The following DCPS variants were observed in gnomAD, a reference collection of about 807,000 sequenced individuals.
DCPS encodes m7GpppX diphosphatase.
A neutral mutation model predicts 34.7 loss-of-function variants in DCPS; 27 were observed. The observed-to-expected ratio is 0.78, with a 90% CI of 0.57 to 1.07. DCPS has a LOEUF of 1.07. Ranked by LOEUF, DCPS falls within the 50% of genes least tolerant of loss-of-function variation. The pLI is 0.00. For synonymous variants in DCPS, 185 were observed against 185.7 expected (o/e 1.00, Z 0.03); for missense variants, 464 against 436.9 (o/e 1.06, Z -0.55).
rs137941190 is a variant in DCPS, at chr11:126,345,546, C to T, written c.947C>T (p.Thr316Met). 889 of 1,613,974 alleles carry T rather than the reference C, an allele frequency of 5.5e-4. 7 individuals are homozygous for T. The South Asian group carries it at 8.7e-3, about 16-fold the overall frequency. ...GACCCTAGGCACTACCAGCAGCGCA[C>T]GCTCACCTTCGCCCTCAGGGCTGAC... ...ECDPRHYQQRTLTFALRADDP... is the reference protein window; with the variant it reads ...ECDPRHYQQRMLTFALRADDP... Residue 316 changes from threonine to methionine, a missense_variant, in exon 6 of 6, where the codon ACG (threonine) becomes ATG (methionine). Coordinates refer to ENST00000263579, the MANE Select transcript of DCPS (RefSeq NM_014026.6). This position sits in a 1 kb window ranked among gnomAD's most constrained non-coding sequence, Gnocchi z 7.4.
In DCPS at chr11:126,306,581, C is replaced by T. The variant is rs1328308318; in HGVS notation, c.213C>T (p.Ala71=). The change falls in exon 2 of 6, where the codon GCC becomes GCT. Residue 71 remains alanine, a synonymous_variant. Coordinates refer to ENST00000263579, the MANE Select transcript of DCPS (RefSeq NM_014026.6). ...GCCTCTGCCCACAGGTGAATGAGGC[C>T]TCTGGGGATGGGGATGGAGAGGATG... ...IIFLHGKVNE[A]SGDGDGEDAV... is the part of the protein sequence containing the mutation. 6.3e-7 allele frequency: 1 copy of T among 1,598,094 alleles called. No individual in the cohort carries two copies. The highest frequency in any genetic ancestry group is 1.3e-5 in the African/African-American group (1 of 74,708).
rs555553015 is a variant in DCPS, at chr11:126,332,169, A to G, written c.522+619A>G. ...CAGAGGAAAAACTCTTCCCTCACCG[A>G]CTCCCCCTTGCATTCGTCCAAAAGA... On this transcript the variant is annotated intron_variant, in intron 3 of 5. Coordinates refer to ENST00000263579, the MANE Select transcript of DCPS (RefSeq NM_014026.6). This position sits in a 1 kb window ranked among gnomAD's most constrained non-coding sequence, Gnocchi z 5.4. Among the ~76,000 whole-genome samples the G allele has an allele frequency of 1.3e-5, 2 of 151,362 alleles. No homozygotes were observed. Among genetic ancestry groups the G allele is most frequent in the Non-Finnish European group, 2.9e-5 (2 of 67,876 alleles).
rs35132700 is a variant in DCPS at position 126,313,138 on chromosome 11, T to TTCC, written c.376+6395_376+6397dup. ...GGCTGCCTCTTCAAAGGCCAATTGT[T>TTCC]TCCCCGTGTAAACCAGGAGGTGAAA... On this transcript the variant is annotated intron_variant, in intron 2 of 5. Coordinates refer to ENST00000263579, the MANE Select transcript of DCPS (RefSeq NM_014026.6). The surrounding 1 kb of genome is among the most constrained non-coding windows in gnomAD (Gnocchi z 4.9). 0.2 allele frequency among the ~76,000 whole-genome samples: 30,124 copies of TTCC among 152,040 alleles called. 3,956 individuals carry two copies. The highest frequency in any genetic ancestry group is 0.64 in the East Asian group (3,282 of 5,114).
In DCPS at chr11:126,338,164, C is replaced by G; in HGVS notation, c.523-122C>G. 1 of 822,838 alleles carries G rather than the reference C, an allele frequency of 1.2e-6. No individual in the cohort carries two copies. Among genetic ancestry groups the G allele is most frequent in the Non-Finnish European group, 2.0e-6 (1 of 497,028 alleles). 51.0% of individuals were successfully genotyped at this position (822,838 alleles called of 1,614,324 possible). On this transcript the variant is annotated intron_variant, in intron 3 of 5. Transcript: ENST00000263579. This position sits in a 1 kb window ranked among gnomAD's most constrained non-coding sequence, Gnocchi z 5.4. ...CCGGATGTAGATCCTCTGAGCGTGG[C>G]GGCCTTTTATGGCTTGGTTCTGTCT...
chr11:126,306,451 C>A, intron 1 of DCPS, 119 bp from the exon 2 acceptor site: 1 of 1,159,748 alleles, frequency 8.6e-7, no homozygotes, highest in South Asian at 1.9e-5. Context: ...AGAGGGAAGA[C>A]TTCAGGGAAG....
Position 126,313,938 on chromosome 11 carries a change from C to T in DCPS, c.376+7194C>T, listed in dbSNP as rs1268407866. 2.0e-4 allele frequency among the ~76,000 whole-genome samples: 31 copies of T among 152,182 alleles called. No individual in the cohort carries two copies. The highest frequency in any genetic ancestry group is 3.9e-4 in the African/African-American group (16 of 41,446). On this transcript the variant is annotated intron_variant, in intron 2 of 5. Transcript: ENST00000263579. The surrounding 1 kb of genome is among the most constrained non-coding windows in gnomAD (Gnocchi z 4.9). ...AGGTCCTTAGATGGACTAGAAAGAT[C>T]GTCCCATGAATTTCAAGGGCTGCAT...
chr11:126,349,956 G>C lies in DCPS; in HGVS notation c.*4343G>C, dbSNP rs1014948530. ...AGCAGGAATGAAATCTGTTTCAAGC[G>C]TTTCAATTTCAATACAATTTAATAA... On this transcript the variant is annotated 3_prime_UTR_variant, in exon 6 of 6. Coordinates refer to ENST00000263579, the MANE Select transcript of DCPS (RefSeq NM_014026.6). This position sits in a 1 kb window ranked among gnomAD's most constrained non-coding sequence, Gnocchi z 5.4. Among the ~76,000 whole-genome samples the C allele has an allele frequency of 1.3e-5, 2 of 152,118 alleles. No individual in the cohort carries two copies. The highest frequency in any genetic ancestry group is 4.8e-5 in the African/African-American group (2 of 41,410).
Position 126,319,374 on chromosome 11 carries a change from G to A in DCPS, c.377-12031G>A, listed in dbSNP as rs1338543673. 6.6e-6 allele frequency among the ~76,000 whole-genome samples: 1 copy of A among 152,096 alleles called. No homozygotes were observed. ...GCCAAAACAGCTATTGTTTCTAGTT[G>A]TGAGCCAGTCTGGAAGCAAGGTCCT... is the stretch of plus-strand genomic sequence containing the variant. On this transcript the variant is annotated intron_variant, in intron 2 of 5. Coordinates refer to ENST00000263579, the MANE Select transcript of DCPS (RefSeq NM_014026.6). The surrounding 1 kb of genome is among the most constrained non-coding windows in gnomAD (Gnocchi z 4.5).
chr11:126,329,783 C>A lies in DCPS; in HGVS notation c.377-1622C>A, dbSNP rs1260628624. Among the ~76,000 whole-genome samples, 1 of 152,172 alleles carries A rather than the reference C, an allele frequency of 6.6e-6. No individual in the cohort carries two copies. Among genetic ancestry groups the A allele is most frequent in the Non-Finnish European group, 1.5e-5 (1 of 68,030 alleles). ...GGTTAAAACCACCTATGACCTCAGA[C>A]CAAATATGAAAGTATAGGTTGATAG... On this transcript the variant is annotated intron_variant, in intron 2 of 5. Transcript: ENST00000263579. This position sits in a 1 kb window ranked among gnomAD's most constrained non-coding sequence, Gnocchi z 5.0.
chr11:126,317,534 T>G (rs928671003), intron 2 of DCPS, among the ~76,000 whole-genome samples: 11 of 152,216 alleles, frequency 7.2e-5, no homozygotes, highest in Admixed American at 6.5e-4. Flanking sequence ...TTGGTCATCC[T>G]TATTCAGGCT....
At chr11:126,340,911 C>G (rs1392023201) in intron 4 of DCPS, 2 of 151,738 alleles carry the variant, frequency 1.3e-5, no homozygotes, top group Non-Finnish European at 2.9e-5. Context: ...TGTTTATTTT[C>G]TTGTAGGTTT....
intron 4 of DCPS, among the ~76,000 whole-genome samples, chr11:126,339,382 C>T (rs977447394): frequency 6.6e-6 from 1 of 152,214 alleles, no homozygotes. Flanking sequence ...GAGTGAGCCT[C>T]GTCTGCCCCT....
At position 126,349,360 on chromosome 11, in the gene DCPS, G is replaced by T. The variant is rs553728347; in HGVS notation, c.*3747G>T. On this transcript the variant is annotated 3_prime_UTR_variant, in exon 6 of 6. Transcript: ENST00000263579. This position sits in a 1 kb window ranked among gnomAD's most constrained non-coding sequence, Gnocchi z 5.4. ...CTAGATAAATCCTGGACGGCTCCAC[G>T]ACTGGCTTTTAGCCCTCAACACTTG... Among the ~76,000 whole-genome samples the T allele has an allele frequency of 6.6e-6, 1 of 152,312 alleles. No individual in the cohort carries two copies. The highest frequency in any genetic ancestry group is 2.1e-4 in the South Asian group (1 of 4,824).
chr11:126,324,640 T>TC (rs947354946), intron 2 of DCPS, among the ~76,000 whole-genome samples: 1 of 134,130 alleles, frequency 7.5e-6, no homozygotes, highest in African/African-American at 2.9e-5. Flanking sequence ...TTTTTTTTTT[T>TC]TTTTTTTTTT....
chr11:126,316,212 T>G (rs976617129), intron 2 of DCPS, among the ~76,000 whole-genome samples: 2 of 152,094 alleles, frequency 1.3e-5, no homozygotes, highest in African/African-American at 4.8e-5. Context: ...CTTGAAATTA[T>G]CCAGTGTGAT....
At chr11:126,316,745 T>C (rs1951662082) in intron 2 of DCPS, among the ~76,000 whole-genome samples, 1 of 150,350 alleles carries the variant, frequency 6.7e-6, no homozygotes, top group African/African-American at 2.5e-5. Flanking sequence ...AACCTCCGCC[T>C]CCCGGGTTCA....
rs1049074648 is a variant in DCPS at position 126,348,616 on chromosome 11, T to G, written c.*3003T>G. Among the ~76,000 whole-genome samples the G allele has an allele frequency of 6.6e-6, 1 of 152,216 alleles. No homozygotes were observed. The highest frequency in any genetic ancestry group is 2.4e-5 in the African/African-American group (1 of 41,470). On this transcript the variant is annotated 3_prime_UTR_variant, in exon 6 of 6. Transcript: ENST00000263579. This position sits in a 1 kb window ranked among gnomAD's most constrained non-coding sequence, Gnocchi z 5.3. The stretch of plus-strand genomic sequence containing the variant: ...GAGACTCCAAAAGCATAGTCTGTCT[T>G]TATTAGGGTGACCTTCATATCAGAC...
intron 4 of DCPS, 36 bp from the exon 5 acceptor site, chr11:126,343,271 C>T: frequency 6.3e-7 from 1 of 1,575,772 alleles, no homozygotes; most frequent in South Asian, 1.1e-5. Flanking sequence ...AGGTCTGTTC[C>T]CTGCTGAGCC....
Position 126,331,922 on chromosome 11 carries a change from G to A in DCPS, c.522+372G>A, listed in dbSNP as rs1951796976. Reference sequence around the variant, plus strand: ...TGCTGGTCTTGGTCCCACCTGATGTGCTTGGGCATGCCATGGAGGCTCTCT... The same window carrying A: ...TGCTGGTCTTGGTCCCACCTGATGTACTTGGGCATGCCATGGAGGCTCTCT... On this transcript the variant is annotated intron_variant, in intron 3 of 5. Transcript: ENST00000263579. The surrounding 1 kb of genome is among the most constrained non-coding windows in gnomAD (Gnocchi z 7.2). Among the ~76,000 whole-genome samples the A allele has an allele frequency of 6.6e-6, 1 of 152,176 alleles. No homozygotes were observed. The highest frequency in any genetic ancestry group is 2.4e-5 in the African/African-American group (1 of 41,434).
Sources: gnomAD v4.1 joint callset for allele counts (sites outside exome capture counted in the v4.1 genomes callset) on GRCh38, gnomAD v4.1.1 for gene constraint, Gnocchi (gnomAD v3.1) non-coding constraint, MANE v1.5 for transcripts, NCBI Gene and HGNC (gene_info 2026-07-23, HGNC 2026-07-21) for gene names.